Variants in ABCF3 observed in about 807,000 individuals in gnomAD.
The protein encoded by ABCF3 is ATP binding cassette subfamily F member 3.
ABCF3 carries 62 observed loss-of-function variants against 94.3 expected under a neutral mutation model. The observed-to-expected ratio is 0.66, with a 90% confidence interval of 0.54 to 0.81. The LOEUF (loss-of-function observed/expected upper bound fraction) is 0.81. Among genes scored for constraint, ABCF3 ranks in the 40% least tolerant of loss-of-function variants. The pLI is 0.00. For missense variants in ABCF3, 843 were observed against 925.3 expected, an observed-to-expected ratio of 0.91 and a Z score of 1.15; for synonymous variants, 355 against 361.1, an observed-to-expected ratio of 0.98 and a Z score of 0.19.
chr3:184,192,698 C>A lies in ABCF3; in HGVS notation c.1658+9C>A. 1 of 1,610,194 alleles carries A rather than the reference C, an allele frequency of 6.2e-7. No individual in the cohort carries two copies. Among genetic ancestry groups the A allele is most frequent in the East Asian group, 2.2e-5 (1 of 44,822 alleles). On this transcript the variant is annotated intron_variant, in intron 17 of 20. Coordinates refer to ENST00000429586, the MANE Select transcript of ABCF3 (RefSeq NM_018358.3). ...ATCAGACACGCTCACAGGTCAGGCC[C>A]ACCCGCACCCCTGCCCCCATGAGCA...
chr3:184,187,249 A>T, intron 3 of ABCF3, 148 bp from the exon 4 acceptor site: 1 of 858,006 alleles, frequency 1.2e-6, no homozygotes, highest in African/African-American at 1.8e-5. Flanking sequence ...TTTTGTTTTT[A>T]GTGCAGGGAA....
Position 184,186,685 on chromosome 3 carries a change from G to T in ABCF3, c.221+31G>T, listed in dbSNP as rs375560604. 153 of 1,592,962 alleles carry T rather than the reference G, an allele frequency of 9.6e-5. No homozygotes were observed. In the African/African-American group the frequency reaches 1.9e-3, roughly 20 times the overall value. ...TGCCAGGGAGTAGGGGTTGATGGGG[G>T]CGAAGGGACGGCGAACGGTCCGGAG... On this transcript the variant is annotated intron_variant, in intron 2 of 20. Transcript: ENST00000429586.
intron 5 of ABCF3, 25 bp from the exon 6 acceptor site, chr3:184,187,836 G>A (rs766546373): frequency 6.2e-7 from 1 of 1,614,108 alleles, no homozygotes. Context: ...GGAGCACTAA[G>A]AGCTGTCCAT....
In ABCF3 at chr3:184,189,915, A is replaced by G. The variant is rs754500563; in HGVS notation, c.1375A>G (p.Lys459Glu). The G allele has an allele frequency of 4.3e-6, 7 of 1,614,084 alleles. No individual in the cohort carries two copies. Among genetic ancestry groups the G allele is most frequent in the Non-Finnish European group, 5.9e-6 (7 of 1,180,030 alleles). The change falls in exon 14 of 21, where the codon AAG becomes GAG. Residue 459 changes from lysine (K) to glutamate (E), a missense_variant. Lys to Glu is a moderately conservative substitution (Grantham distance 56). Transcript: ENST00000429586. Reference sequence around the variant, plus strand: ...GGCCTCTCAAGTGCAGAGTAAACTCAAGATGCTGGAGAAGCTGTGAGTACA... The same window carrying G: ...GGCCTCTCAAGTGCAGAGTAAACTCGAGATGCTGGAGAAGCTGTGAGTACA... ...NRASQVQSKL[K>E]MLEKLPELKP...
Position 184,193,253 on chromosome 3 carries a change from G to C in ABCF3, c.1883+19G>C. ...TGCCCTGGTGAGGCCTCATTTTCCAGAGCTCTTCCCCTCCCATTTCCCCTT... is the reference window on the plus strand; with the variant it reads ...TGCCCTGGTGAGGCCTCATTTTCCACAGCTCTTCCCCTCCCATTTCCCCTT... On this transcript the variant is annotated intron_variant, in intron 19 of 20. Coordinates refer to ENST00000429586, the MANE Select transcript of ABCF3 (RefSeq NM_018358.3). This position sits in a 1 kb window ranked among gnomAD's most constrained non-coding sequence, Gnocchi z 5.2. The C allele has an allele frequency of 6.3e-7, 1 of 1,578,610 alleles. No individual in the cohort carries two copies. The highest frequency in any genetic ancestry group is 1.2e-5 in the South Asian group (1 of 84,250).
chr3:184,191,749 C>CTTTTTTTTTTTTTTTT (rs375009324), intron 16 of ABCF3, among the ~76,000 whole-genome samples: 2,993 of 114,022 alleles, frequency 0.026, 409 homozygotes, highest in African/African-American at 0.043. Context: ...GTTAGAGTTC[C>CTTTTTTTTTTTTTTTT]TTTTTTTTTT....
chr3:184,188,550 G>T, intron 7 of ABCF3, 143 bp downstream of exon 7: 1 of 1,204,550 alleles, frequency 8.3e-7, no homozygotes, highest in South Asian at 1.5e-5. Context: ...AGAAGCCCTT[G>T]TTCTTTCCAC....
rs374116042 is a variant in ABCF3, at chr3:184,193,585, G to A, written c.2017G>A (p.Val673Met). 2.5e-6 allele frequency: 4 copies of A among 1,614,214 alleles called. No individual in the cohort carries two copies. The highest frequency in any genetic ancestry group is 3.4e-6 in the Non-Finnish European group (4 of 1,180,042). ...CCACGATGAGCGCTTTATCAGGCTG[G>A]TGTGCCGGGAGTTGTGGGTATGCGA... is the stretch of plus-strand genomic sequence containing the variant. The part of the protein sequence containing the change: ...VSHDERFIRL[V>M]CRELWVCEGG... Residue 673 changes from valine to methionine, a missense_variant, in exon 21 of 21, where the codon GTG (valine) becomes ATG (methionine). Val to Met is a conservative substitution (Grantham distance 21, BLOSUM62 1). Transcript: ENST00000429586. The surrounding 1 kb of genome is among the most constrained non-coding windows in gnomAD (Gnocchi z 5.2).
chr3:184,187,696 G>C lies in ABCF3; in HGVS notation c.381G>C (p.Glu127Asp). The C allele has an allele frequency of 6.2e-7, 1 of 1,614,230 alleles. No individual in the cohort carries two copies. Among genetic ancestry groups the C allele is most frequent in the East Asian group, 2.2e-5 (1 of 44,882 alleles). The change falls in exon 5 of 21, where the codon GAG (glutamate) becomes GAC (aspartate). Residue 127 changes from glutamate to aspartate, a missense_variant. Physicochemically the swap from Glu to Asp is conservative, Grantham distance 45 (BLOSUM62 2). Transcript: ENST00000429586. ...ATGCAAAGAAGTTAGAGAAGGCCGA[G>C]GCTCGACTTAAGGCAAAGCAGGAGA... ...TVNAKKLEKA[E>D]ARLKAKQEKR... is the part of the protein sequence containing the mutation.
rs1183541114 is a variant in ABCF3 at position 184,189,868 on chromosome 3, G to A, written c.1328G>A (p.Arg443Gln). 9.3e-6 allele frequency: 15 copies of A among 1,614,192 alleles called. No individual in the cohort carries two copies. The highest frequency in any genetic ancestry group is 1.7e-5 in the Admixed American group (1 of 60,024). ...CTCCACCTGCAGGTTTTCATTGACCGGTTTCGCTACAATGCCAACAGGGCC... is the reference window on the plus strand; with the variant it reads ...CTCCACCTGCAGGTTTTCATTGACCAGTTTCGCTACAATGCCAACAGGGCC... ...YRQHIQVFID[R>Q]FRYNANRASQ... The change falls in exon 14 of 21, where the codon CGG (arginine) becomes CAG (glutamine). Residue 443 changes from arginine to glutamine, a missense_variant. By Grantham distance (43) the Arg-to-Gln change is conservative. Coordinates refer to ENST00000429586, the MANE Select transcript of ABCF3 (RefSeq NM_018358.3).
chr3:184,191,741 T>TAGG (rs1716037437), intron 16 of ABCF3, among the ~76,000 whole-genome samples: 1 of 35,796 alleles, frequency 2.8e-5, no homozygotes. Context: ...TCTGTAGAGT[T>TAGG]AGAGTTCCTT....
chr3:184,186,928 C>G (rs1715665769), intron 3 of ABCF3, 53 bp downstream of exon 3: 3 of 1,560,950 alleles, frequency 1.9e-6, no homozygotes, highest in East Asian at 2.3e-5. Flanking sequence ...TTCTCCGCCC[C>G]CAACCATCTG....
Position 184,193,339 on chromosome 3 carries a change from C to T in ABCF3, c.1884-26C>T, listed in dbSNP as rs1157692071. ...TTTCTCTCACCGCACCCCTTCACTG[C>T]CCACCTTCCTGGTTCTGCCTTCCAG... On this transcript the variant is annotated intron_variant, in intron 19 of 20. Coordinates refer to ENST00000429586, the MANE Select transcript of ABCF3 (RefSeq NM_018358.3). This position sits in a 1 kb window ranked among gnomAD's most constrained non-coding sequence, Gnocchi z 5.2. 1 of 1,614,060 alleles carries T rather than the reference C, an allele frequency of 6.2e-7. No homozygotes were observed. The highest frequency in any genetic ancestry group is 1.1e-5 in the South Asian group (1 of 91,074).
chr3:184,190,641 G>A (rs1265151629), intron 14 of ABCF3: 2 of 203,488 alleles, frequency 9.8e-6, no homozygotes, highest in Admixed American at 1.1e-4. Flanking sequence ...TAGTGGCTGT[G>A]AAGTGATAGC....
Position 184,187,383 on chromosome 3 carries a change from C to CTCCTT in ABCF3, c.302-13_302-12insCCTTT. The stretch of plus-strand genomic sequence containing the variant: ...CCTCAGGGAGAAGGTGACTGCTTTT[C>CTCCTT]TTATCGCTTACAGACTGTGGAACCA... On this transcript the variant is annotated splice_polypyrimidine_tract_variant and intron_variant, in intron 3 of 20. Transcript: ENST00000429586. The CTCCTT allele has an allele frequency of 6.2e-7, 1 of 1,613,844 alleles. No individual in the cohort carries two copies. Among genetic ancestry groups the CTCCTT allele is most frequent in the Non-Finnish European group, 8.5e-7 (1 of 1,180,002 alleles).
rs371757934 is a variant in ABCF3, at chr3:184,189,297, C to T, written c.1057+20C>T. On this transcript the variant is annotated intron_variant, in intron 11 of 20. Transcript: ENST00000429586. ...TAGATGGTGAGTTTGAAATGGGGCACCCTGACTTTAGGATGGGCAGGGGTG... is the reference window on the plus strand; with the variant it reads ...TAGATGGTGAGTTTGAAATGGGGCATCCTGACTTTAGGATGGGCAGGGGTG... 1 of 1,614,176 alleles carries T rather than the reference C, an allele frequency of 6.2e-7. No individual in the cohort carries two copies. The highest frequency in any genetic ancestry group is 2.2e-5 in the East Asian group (1 of 44,880).
At chr3:184,186,927 C>T in intron 3 of ABCF3, 52 bp downstream of exon 3, 1 of 1,562,390 alleles carries the variant, frequency 6.4e-7, no homozygotes, top group Non-Finnish European at 8.7e-7. Context: ...TTTCTCCGCC[C>T]CCAACCATCT....
intron 3 of ABCF3, chr3:184,187,133 G>A (rs1715682946): frequency 3.2e-6 from 2 of 630,978 alleles, no homozygotes; most frequent in Middle Eastern, 4.3e-4. Context: ...CCCCAGTTTT[G>A]CAACTTGCTA....
Position 184,192,884 on chromosome 3 carries a change from C to A in ABCF3, c.1738C>A (p.Arg580Ser), listed in dbSNP as rs745439537. The A allele has an allele frequency of 6.2e-7, 1 of 1,614,030 alleles. No homozygotes were observed. Among genetic ancestry groups the A allele is most frequent in the Non-Finnish European group, 8.5e-7 (1 of 1,179,938 alleles). The stretch of plus-strand genomic sequence containing the variant: ...CGTCAGTGCTGTGGAACTGCTGGCA[C>A]GCAAGTTTCCTGGTGAGTTAGGGAT... ...LNVSAVELLA[R>S]KFPGRPEEEY... Residue 580 changes from arginine to serine, a missense_variant, in exon 18 of 21, where the codon CGC becomes AGC. Coordinates refer to ENST00000429586, the MANE Select transcript of ABCF3 (RefSeq NM_018358.3).
Sources: gnomAD v4.1 joint callset for allele counts (sites outside exome capture counted in the v4.1 genomes callset) on GRCh38, gnomAD v4.1.1 for gene constraint, Gnocchi (gnomAD v3.1) non-coding constraint, MANE v1.5 for transcripts, NCBI Gene and HGNC (gene_info 2026-07-23, HGNC 2026-07-21) for gene names.